Variants in ABCB1 observed in about 807,000 individuals in gnomAD.
ABCB1 encodes ATP-dependent translocase ABCB1.
ABCB1 carries 69 observed loss-of-function variants against 142.0 expected under a neutral mutation model. The ratio of observed to expected loss-of-function variants is 0.49; its 90% CI spans 0.40 to 0.59. The LOEUF is 0.59. Ranked by LOEUF, ABCB1 falls within the 20% of genes least tolerant of loss-of-function variation. The pLI, the probability that ABCB1 is intolerant of heterozygous loss-of-function variation, is 0.00. For missense variants in ABCB1, 1,326 were observed against 1,554.7 expected (o/e 0.85, Z 2.47); for synonymous variants, 532 against 539.2 (o/e 0.99, Z 0.18).
chr7:87,682,349 C>A (rs1827006288), intron 1 of ABCB1, among the ~76,000 whole-genome samples: 1 of 152,206 alleles, frequency 6.6e-6, no homozygotes, highest in African/African-American at 2.4e-5. Flanking sequence ...TCTCATAAAT[C>A]TCGAATGTTC....
chr7:87,656,155 A>G (rs1027438460), intron 1 of ABCB1, among the ~76,000 whole-genome samples: 3 of 152,170 alleles, frequency 2.0e-5, no homozygotes, highest in African/African-American at 7.2e-5. Context: ...GTGAGGTAAT[A>G]TGTATATTAA....
Position 87,568,245 on chromosome 7 carries a change from T to A in ABCB1, c.339-1269A>T, listed in dbSNP as rs887306111. The stretch of plus-strand genomic sequence containing the variant: ...CCCGTCTCTACTAAAAATACGACAA[T>A]AATAATAATAATAATAATAATAAAA... On this transcript the variant is annotated intron_variant, in intron 5 of 27. Coordinates refer to ENST00000622132, the MANE Select transcript of ABCB1 (RefSeq NM_001348946.2). Among the ~76,000 whole-genome samples the A allele has an allele frequency of 3.1e-5, 4 of 128,500 alleles. No individual in the cohort carries two copies. The South Asian group carries it at 9.6e-4, about 31-fold the overall frequency. 84.3% of individuals were successfully genotyped at this position (128,500 alleles called of 152,430 possible). A position where few individuals can be genotyped will look rare whatever the true frequency, so the allele number is the denominator to read the frequency against.
At chr7:87,522,388 T>C in intron 21 of ABCB1, 1 of 702,876 alleles carries the variant, frequency 1.4e-6, no homozygotes, top group Admixed American at 1.8e-5. Flanking sequence ...GTAGCAGCAG[T>C]AGCTACAGCA....
rs966426799 is a variant in ABCB1 at position 87,710,723 on chromosome 7, T to C, written c.-331+2438A>G. The C allele has an allele frequency of 7.1e-6, 6 of 847,522 alleles. No homozygotes were observed. In the East Asian group the frequency reaches 1.6e-4, roughly 22 times the overall value. 52.5% of individuals were successfully genotyped at this position (847,522 alleles called of 1,614,324 possible). ...TCACCTGAAGACTCAGAAATCAGAA[T>C]AGGATGAAGAATCAATTTCTAAAAT... On this transcript the variant is annotated intron_variant, in intron 1 of 28. Coordinates refer to the ABCB1 transcript ENST00000265724.
At chr7:87,546,473 C>T (rs189156311) in intron 14 of ABCB1, among the ~76,000 whole-genome samples, 22 of 151,512 alleles carry the variant, frequency 1.5e-4, no homozygotes, top group Admixed American at 3.9e-4. Flanking sequence ...CTGTAGTCCC[C>T]GCTACTTGGG....
At position 87,598,813 on chromosome 7, in the gene ABCB1, G is replaced by A. The variant is rs370696089; in HGVS notation, c.68+1304C>T. ...TTCCAGACAGCTTCAGTGTGCTTTCGACTACTCCATTAAACTCCACTTCCT... is the reference window on the plus strand; with the variant it reads ...TTCCAGACAGCTTCAGTGTGCTTTCAACTACTCCATTAAACTCCACTTCCT... On this transcript the variant is annotated intron_variant, in intron 2 of 27. Coordinates refer to ENST00000622132, the MANE Select transcript of ABCB1 (RefSeq NM_001348946.2). Among the ~76,000 whole-genome samples, 10 of 152,220 alleles carry A rather than the reference G, an allele frequency of 6.6e-5. No individual in the cohort carries two copies. In the East Asian group the frequency reaches 1.9e-3, roughly 29 times the overall value.
At chr7:87,517,824 C>T (rs940112878) in intron 23 of ABCB1, among the ~76,000 whole-genome samples, 8 of 148,612 alleles carry the variant, frequency 5.4e-5, no homozygotes, top group African/African-American at 1.8e-4. Context: ...TCAAGTCCAG[C>T]TCTCCATGTT....
At chr7:87,708,804 G>C (rs1253651578) in intron 1 of ABCB1, among the ~76,000 whole-genome samples, 1 of 152,050 alleles carries the variant, frequency 6.6e-6, no homozygotes, top group Non-Finnish European at 1.5e-5. Context: ...ATAAAGTAGG[G>C]ATAGTATTGT....
At chr7:87,510,919 A>T (rs1000588182) in intron 25 of ABCB1, among the ~76,000 whole-genome samples, 4 of 152,206 alleles carry the variant, frequency 2.6e-5, no homozygotes, top group Admixed American at 6.5e-5. Flanking sequence ...CTTGTTAGAT[A>T]AAACACTGTA....
intron 1 of ABCB1, among the ~76,000 whole-genome samples, chr7:87,653,312 A>G (rs1401604262): frequency 3.9e-5 from 6 of 152,086 alleles, no homozygotes; most frequent in Non-Finnish European, 8.8e-5. Flanking sequence ...CAAAAGCTGG[A>G]TAAATATGTA....
At chr7:87,519,243 A>T in intron 23 of ABCB1, 83 bp downstream of exon 23, 1 of 1,363,858 alleles carries the variant, frequency 7.3e-7, no homozygotes, top group Non-Finnish European at 1.0e-6. Context: ...GAGGCTTCAC[A>T]GTAGGGTTTC....
chr7:87,618,824 A>G lies in ABCB1; in HGVS notation c.-330-17746T>C, dbSNP rs142610047. ...GTAGAAGAAGTCAGAAATTTGAATC[A>G]TGAAATTTGATAGATGGAGGAAGCC... On this transcript the variant is annotated intron_variant, in intron 1 of 28. Coordinates refer to the ABCB1 transcript ENST00000265724. Among the ~76,000 whole-genome samples the G allele has an allele frequency of 5.0e-4, 76 of 152,304 alleles. 1 individual carries two copies. The East Asian group carries it at 0.014, about 27-fold the overall frequency.
At chr7:87,700,841 T>G (rs556730329) in intron 1 of ABCB1, among the ~76,000 whole-genome samples, 1 of 152,348 alleles carries the variant, frequency 6.6e-6, no homozygotes, top group Non-Finnish European at 1.5e-5. Flanking sequence ...TTCGCTGTGT[T>G]GATATTTGCA....
chr7:87,706,980 C>G (rs780190620), intron 1 of ABCB1, among the ~76,000 whole-genome samples: 5 of 152,072 alleles, frequency 3.3e-5, no homozygotes, highest in African/African-American at 7.2e-5. Flanking sequence ...TGTAAACACT[C>G]CAGGTTTTTA....
chr7:87,705,935 C>T (rs1259141852), intron 1 of ABCB1, among the ~76,000 whole-genome samples: 3 of 152,064 alleles, frequency 2.0e-5, no homozygotes, highest in African/African-American at 7.2e-5. Context: ...TTTTCATTTT[C>T]TTGGCCCCAA....
At chr7:87,551,749 G>A (rs1392091109) in intron 9 of ABCB1, among the ~76,000 whole-genome samples, 1 of 152,016 alleles carries the variant, frequency 6.6e-6, no homozygotes, top group African/African-American at 2.4e-5. Context: ...TTAGAATGCA[G>A]AATTAGTCTT....
chr7:87,568,361 C>T (rs1817880814), intron 5 of ABCB1, among the ~76,000 whole-genome samples: 1 of 150,250 alleles, frequency 6.7e-6, no homozygotes, highest in Admixed American at 6.6e-5. Context: ...TTGCAGTGCA[C>T]AGAGATCGTG....
chr7:87,587,646 C>A (rs1021848086), intron 3 of ABCB1, among the ~76,000 whole-genome samples: 1 of 151,946 alleles, frequency 6.6e-6, no homozygotes, highest in Admixed American at 6.6e-5. Flanking sequence ...CCAAGGCGGG[C>A]AGATCACGAG....
At chr7:87,628,041 G>C (rs1195351314) in intron 1 of ABCB1, among the ~76,000 whole-genome samples, 2 of 152,322 alleles carry the variant, frequency 1.3e-5, no homozygotes, top group South Asian at 4.1e-4. Context: ...TGTGGGAGCC[G>C]GCGCGCTGCT....
Sources: gnomAD v4.1 joint callset for allele counts (sites outside exome capture counted in the v4.1 genomes callset) on GRCh38, gnomAD v4.1.1 for gene constraint, MANE v1.5 for transcripts, NCBI Gene and HGNC (gene_info 2026-07-23, HGNC 2026-07-21) for gene names.